DNAH14: variants seen among roughly 807,000 people sequenced by gnomAD.
DNAH14 encodes dynein axonemal heavy chain 14, also known as axonemal beta dynein heavy chain 14.
A neutral mutation model predicts 520.9 loss-of-function variants in DNAH14; 478 were observed. The ratio of observed to expected loss-of-function variants is 0.92; its 90% CI spans 0.85 to 0.99. The LOEUF (loss-of-function observed/expected upper bound fraction) is 0.99. Ranked by LOEUF, DNAH14 falls within the 50% of genes least tolerant of loss-of-function variation. The pLI, the probability that DNAH14 is intolerant of heterozygous loss-of-function variation, is 0.00. For missense variants in DNAH14, 4,831 were observed against 5,234.5 expected (o/e 0.92, Z 2.38); for synonymous variants, 1,581 against 1,757.2 (o/e 0.90, Z 2.51).
intron 46 of DNAH14, among the ~76,000 whole-genome samples, chr1:225,259,825 G>T (rs2092870609): frequency 6.6e-6 from 1 of 152,094 alleles, no homozygotes; most frequent in South Asian, 2.1e-4. Flanking sequence ...TTGTCTTTCT[G>T]TGCCTGGCTT....
intron 9 of DNAH14, among the ~76,000 whole-genome samples, chr1:225,006,059 A>C (rs1260839912): frequency 6.6e-6 from 1 of 152,218 alleles, no homozygotes; most frequent in Admixed American, 6.5e-5. Context: ...TTAGTTCCCC[A>C]GATAAATACT....
intron 8 of DNAH14, among the ~76,000 whole-genome samples, chr1:224,989,249 T>A (rs138245493): frequency 6.6e-6 from 1 of 152,212 alleles, no homozygotes; most frequent in Non-Finnish European, 1.5e-5. Context: ...GGGCACCTGC[T>A]GGCCCACTCA....
chr1:225,391,630 A>T (rs1354892031), intron 83 of DNAH14, among the ~76,000 whole-genome samples: 1 of 151,868 alleles, frequency 6.6e-6, no homozygotes, highest in Non-Finnish European at 1.5e-5. Flanking sequence ...GGGTGGGGGG[A>T]GAAGGAGGTT....
At chr1:225,070,273 C>T (rs1221941199) in intron 17 of DNAH14, among the ~76,000 whole-genome samples, 1 of 151,912 alleles carries the variant, frequency 6.6e-6, no homozygotes, top group Non-Finnish European at 1.5e-5. Flanking sequence ...ACTCTTAGTT[C>T]TCTAGGTCTT....
chr1:225,349,354 G>A (rs533948145), intron 71 of DNAH14, among the ~76,000 whole-genome samples: 2 of 152,092 alleles, frequency 1.3e-5, no homozygotes, highest in South Asian at 4.2e-4. Context: ...TCACCACAAA[G>A]ATCAATAAAA....
At chr1:225,340,760 A>T in intron 69 of DNAH14, 59 bp downstream of exon 69, 3 of 1,473,136 alleles carry the variant, frequency 2.0e-6, no homozygotes, top group Non-Finnish European at 2.7e-6. Flanking sequence ...ATAAAAAGTT[A>T]TAAGAACCAA....
At chr1:225,169,392 C>T (rs910904199) in intron 36 of DNAH14, among the ~76,000 whole-genome samples, 2 of 151,988 alleles carry the variant, frequency 1.3e-5, no homozygotes, top group African/African-American at 4.8e-5. Context: ...AAGTTAAAAC[C>T]CTTGAAAAAA....
intron 55 of DNAH14, among the ~76,000 whole-genome samples, chr1:225,290,858 T>G (rs1014023233): frequency 2.0e-5 from 3 of 151,484 alleles, no homozygotes; most frequent in African/African-American, 7.3e-5. Flanking sequence ...CAAACATTTA[T>G]CATTTTTGTG....
intron 31 of DNAH14, among the ~76,000 whole-genome samples, chr1:225,150,192 A>T (rs1395379566): frequency 6.6e-6 from 1 of 152,198 alleles, no homozygotes; most frequent in Non-Finnish European, 1.5e-5. Context: ...TGTAATGAAT[A>T]TATTTATTGA....
intron 43 of DNAH14, among the ~76,000 whole-genome samples, chr1:225,248,143 A>G (rs2092388665): frequency 6.6e-6 from 1 of 152,218 alleles, no homozygotes; most frequent in African/African-American, 2.4e-5. Flanking sequence ...ATCATTTAAG[A>G]TAACACCAAA....
chr1:225,351,405 A>G (rs180833045), intron 71 of DNAH14, among the ~76,000 whole-genome samples: 1 of 152,292 alleles, frequency 6.6e-6, no homozygotes. Context: ...AACAAAAACA[A>G]AAAAGGTTTA....
intron 81 of DNAH14, among the ~76,000 whole-genome samples, chr1:225,384,446 T>C (rs1215273035): frequency 1.3e-5 from 2 of 152,130 alleles, no homozygotes; most frequent in Non-Finnish European, 2.9e-5. Flanking sequence ...GAAGCTGGTT[T>C]TCTGAAAAGA....
In DNAH14 at chr1:225,085,625, A is replaced by T. The variant is rs201011780; in HGVS notation, c.3409A>T (p.Ile1137Phe). The stretch of plus-strand genomic sequence containing the variant: ...TGCTCTTGAAAAAATGCTATTTAAG[A>T]TTATTGATTTTTGGAACACTACTCC... ...EAALEKMLFK[I>F]IDFWNTTPLP... is the part of the protein sequence containing the mutation. The change falls in exon 21 of 86, where the codon ATT (isoleucine) becomes TTT (phenylalanine). Residue 1137 changes from isoleucine (I) to phenylalanine (F), a missense_variant. By Grantham distance (21) the Ile-to-Phe change is conservative. Coordinates refer to ENST00000682510, the MANE Select transcript of DNAH14 (RefSeq NM_001367479.1). The T allele has an allele frequency of 5.3e-5, 82 of 1,551,108 alleles. No individual in the cohort carries two copies. The highest frequency in any genetic ancestry group is 6.8e-5 in the Non-Finnish European group (78 of 1,146,762).
chr1:225,265,465 A>G, intron 48 of DNAH14, 96 bp downstream of exon 48: 2 of 1,103,094 alleles, frequency 1.8e-6, no homozygotes, highest in Non-Finnish European at 2.5e-6. Flanking sequence ...ATATTTGTGT[A>G]ACACACATTT....
At chr1:225,335,658 T>C (rs550614043) in intron 66 of DNAH14, among the ~76,000 whole-genome samples, 6 of 111,544 alleles carry the variant, frequency 5.4e-5, no homozygotes, top group African/African-American at 1.5e-4. Context: ...TATACGCATA[T>C]ATACATATGT....
intron 38 of DNAH14, among the ~76,000 whole-genome samples, chr1:225,199,721 TTCTTAAATCTA>T (rs1308915136): frequency 1.3e-5 from 2 of 152,206 alleles, no homozygotes; most frequent in African/African-American, 4.8e-5. Flanking sequence ...AATTTCAACT[TTCTTAAATCTA>T]TTGAGACTTG....
chr1:225,064,493 C>T (rs1231554728), intron 17 of DNAH14, among the ~76,000 whole-genome samples: 1 of 151,622 alleles, frequency 6.6e-6, no homozygotes, highest in African/African-American at 2.4e-5. Flanking sequence ...TTTGCAATTG[C>T]CAAAACCTGA....
At chr1:225,040,392 G>A (rs1451183598) in intron 12 of DNAH14, among the ~76,000 whole-genome samples, 2 of 152,126 alleles carry the variant, frequency 1.3e-5, no homozygotes, top group East Asian at 1.9e-4. Flanking sequence ...ATCTGTGGGT[G>A]GTAGGAATCT....
intron 1 of DNAH14, among the ~76,000 whole-genome samples, chr1:224,947,326 A>G (rs1268441148): frequency 6.6e-6 from 1 of 152,182 alleles, no homozygotes; most frequent in Non-Finnish European, 1.5e-5. Context: ...TAATTCTACT[A>G]TTAGACTCTC....
Sources: allele counts gnomAD v4.1 joint callset (sites outside exome capture counted in the v4.1 genomes callset), GRCh38; gene constraint gnomAD v4.1.1; transcripts MANE v1.5; gene names NCBI Gene and HGNC (gene_info 2026-07-23, HGNC 2026-07-21).